The following CCDC50 variants were observed in gnomAD, a reference collection of about 807,000 sequenced individuals.
The protein encoded by CCDC50 is coiled-coil domain containing 50.
In CCDC50, 54 loss-of-function variants were observed where a neutral mutation model predicts 70.2. The observed-to-expected ratio is 0.77, with a 90% CI of 0.62 to 0.96. The LOEUF (loss-of-function observed/expected upper bound fraction) is 0.96, where lower values mean the gene tolerates loss of function less well. Among genes scored for constraint, CCDC50 ranks in the 50% least tolerant of loss-of-function variants. The pLI is 0.00. For missense variants in CCDC50, 558 were observed against 578.7 expected, an observed-to-expected ratio of 0.96 and a Z score of 0.37; for synonymous variants, 216 against 198.8, an observed-to-expected ratio of 1.09 and a Z score of -0.73.
chr3:191,340,286 T>C (rs999023818), intron 1 of CCDC50, among the ~76,000 whole-genome samples: 1 of 152,238 alleles, frequency 6.6e-6, no homozygotes, highest in Non-Finnish European at 1.5e-5. Context: ...CTTTATACTA[T>C]AATTTGCTTG....
chr3:191,350,248 ACAAAATG>A (rs1420937549), intron 1 of CCDC50, among the ~76,000 whole-genome samples: 1 of 141,956 alleles, frequency 7.0e-6, no homozygotes, highest in African/African-American at 2.5e-5. Context: ...CTTTCACAAG[ACAAAATG>A]TATCTCTTGA....
intron 1 of CCDC50, among the ~76,000 whole-genome samples, chr3:191,332,170 G>A (rs1718011343): frequency 6.6e-6 from 1 of 152,174 alleles, no homozygotes; most frequent in African/African-American, 2.4e-5. Flanking sequence ...GAGGTCGTGG[G>A]TAGCAGCTGA....
At chr3:191,370,144 T>G (rs1712849840) in intron 5 of CCDC50, 108 bp downstream of exon 5, 1 of 776,508 alleles carries the variant, frequency 1.3e-6, no homozygotes, top group East Asian at 2.5e-5. Flanking sequence ...GTTTCTCTTA[T>G]CCCCAGGCAC....
In CCDC50 at chr3:191,393,709, A is replaced by G. The variant is rs879433302; in HGVS notation, c.*1949A>G. 6 of 152,178 alleles carry G rather than the reference A, an allele frequency of 3.9e-5. No homozygotes were observed. Among genetic ancestry groups the G allele is most frequent in the Non-Finnish European group, 7.4e-5 (5 of 68,020 alleles). The allele number at this position is 152,178 out of a possible 1,614,324, so 9.4% of individuals were successfully genotyped here. A position where few individuals can be genotyped will look rare whatever the true frequency, so the allele number is the denominator to read the frequency against. ...AGAAAAACCTCCATTTAAATAAGGA[A>G]GGGGAGACAAAATGGAAGGTCCTGG... On this transcript the variant is annotated 3_prime_UTR_variant, in exon 12 of 12. Coordinates refer to ENST00000392455, the MANE Select transcript of CCDC50 (RefSeq NM_178335.3).
intron 1 of CCDC50, among the ~76,000 whole-genome samples, 193 bp downstream of exon 1, chr3:191,329,916 A>G (rs985777478): frequency 8.6e-5 from 10 of 116,484 alleles, no homozygotes; most frequent in Non-Finnish European, 1.7e-4. Context: ...CGACGTTCCA[A>G]GCCCGTTTTT....
chr3:191,338,205 G>T (rs1711581682), intron 1 of CCDC50, among the ~76,000 whole-genome samples: 2 of 152,198 alleles, frequency 1.3e-5, no homozygotes, highest in African/African-American at 2.4e-5. Context: ...CTATGGAGGA[G>T]TCCATGATTG....
At chr3:191,342,042 G>C (rs1711750115) in intron 1 of CCDC50, among the ~76,000 whole-genome samples, 1 of 152,180 alleles carries the variant, frequency 6.6e-6, no homozygotes, top group South Asian at 2.1e-4. Context: ...TGATCTCAAG[G>C]TATCTTTTAG....
rs1713723875 is a variant in CCDC50 at position 191,392,360 on chromosome 3, C to CT, written c.*603dup. ...TGGGGAGATTGGCCTAGATAGCATT[C>CT]TTTAACACTTCCTCTGCTTTTGCCT... On this transcript the variant is annotated 3_prime_UTR_variant, in exon 12 of 12. Transcript: ENST00000392455. 6.6e-6 allele frequency: 1 copy of CT among 152,414 alleles called. No individual in the cohort carries two copies. The highest frequency in any genetic ancestry group is 2.4e-5 in the African/African-American group (1 of 41,472). 9.4% of individuals were successfully genotyped at this position (152,414 alleles called of 1,614,324 possible).
In CCDC50 at chr3:191,389,509, A is replaced by G. The variant is rs751832555; in HGVS notation, c.1336A>G (p.Ile446Val). The G allele has an allele frequency of 3.1e-6, 5 of 1,613,672 alleles. No homozygotes were observed. Among genetic ancestry groups the G allele is most frequent in the African/African-American group, 2.7e-5 (2 of 74,920 alleles). Reference protein sequence around the residue: ...NERPARPPPPIMTDGEDADYT... With the variant: ...NERPARPPPPVMTDGEDADYT... ...GATTCCTTTTAGGCCACCACCACCT[A>G]TCATGACAGATGGTGAAGATGCGGA... Residue 446 changes from isoleucine (I) to valine (V), a missense_variant, in exon 11 of 12, where the codon ATC becomes GTC. Physicochemically the swap from Ile to Val is conservative, Grantham distance 29. Transcript: ENST00000392455.
chr3:191,373,572 C>A (rs1270589086), intron 5 of CCDC50, among the ~76,000 whole-genome samples: 1 of 152,082 alleles, frequency 6.6e-6, no homozygotes, highest in Non-Finnish European at 1.5e-5. Flanking sequence ...ATTTAAGTGG[C>A]TGGTCTGTAT....
chr3:191,337,793 TCCAACAGATTTAA>T (rs1183066849), intron 1 of CCDC50, among the ~76,000 whole-genome samples: 2 of 152,116 alleles, frequency 1.3e-5, no homozygotes, highest in Admixed American at 6.5e-5. Flanking sequence ...TTCATGAGTA[TCCAACAGATTTAA>T]CCACCTTAAA....
At chr3:191,338,998 C>G (rs548868203) in intron 1 of CCDC50, among the ~76,000 whole-genome samples, 1 of 152,120 alleles carries the variant, frequency 6.6e-6, no homozygotes, top group South Asian at 2.1e-4. Flanking sequence ...GCTATTTTCT[C>G]TTTTAAATTT....
intron 5 of CCDC50, 108 bp downstream of exon 5, chr3:191,370,144 TCCCCAGG>T: frequency 1.3e-6 from 1 of 776,508 alleles, no homozygotes; most frequent in Non-Finnish European, 2.3e-6. Flanking sequence ...GTTTCTCTTA[TCCCCAGG>T]CACTGGGTAC....
intron 10 of CCDC50, among the ~76,000 whole-genome samples, chr3:191,384,346 GCT>G (rs1713417680): frequency 1.3e-5 from 2 of 152,096 alleles, no homozygotes; most frequent in African/African-American, 4.8e-5. Flanking sequence ...AAAAGATAAA[GCT>G]TATATATCTT....
chr3:191,345,674 T>C (rs1029434482), intron 1 of CCDC50, among the ~76,000 whole-genome samples: 1 of 152,222 alleles, frequency 6.6e-6, no homozygotes, highest in Non-Finnish European at 1.5e-5. Flanking sequence ...CCATAACATA[T>C]CTACTTGCCA....
intron 6 of CCDC50, among the ~76,000 whole-genome samples, chr3:191,379,776 C>T (rs293811): frequency 0.58 from 87,840 of 152,026 alleles, 27,061 homozygotes; most frequent in African/African-American, 0.81. Context: ...ACAGCTTAGC[C>T]TCTTTTAAAC....
rs1712360136 is a variant in CCDC50 at position 191,358,203 on chromosome 3, A to T, written c.239+79A>T. The T allele has an allele frequency of 1.9e-6, 3 of 1,545,738 alleles. No individual in the cohort carries two copies. The East Asian group carries it at 6.8e-5, about 35-fold the overall frequency. On this transcript the variant is annotated intron_variant, in intron 3 of 11. Coordinates refer to ENST00000392455, the MANE Select transcript of CCDC50 (RefSeq NM_178335.3). The stretch of plus-strand genomic sequence containing the variant: ...CTAGCAACCAGGGCAGGGGAGAAGG[A>T]GACTACTTCTGTTCCTCTGATTCCT...
At chr3:191,374,858 G>T (rs1448994296) in intron 5 of CCDC50, among the ~76,000 whole-genome samples, 1 of 151,974 alleles carries the variant, frequency 6.6e-6, no homozygotes, top group East Asian at 1.9e-4. Flanking sequence ...TACCATTTTG[G>T]CTATGTACCC....
At chr3:191,379,387 G>T (rs1170781883) in intron 6 of CCDC50, among the ~76,000 whole-genome samples, 15 of 152,166 alleles carry the variant, frequency 9.9e-5, no homozygotes. Context: ...AACTATTTCA[G>T]ATAAGTAATC....
Sources: allele counts gnomAD v4.1 joint callset (sites outside exome capture counted in the v4.1 genomes callset), GRCh38; gene constraint gnomAD v4.1.1; transcripts MANE v1.5; gene names NCBI Gene and HGNC (gene_info 2026-07-23, HGNC 2026-07-21).